The following LHFPL6 variants were observed in gnomAD, a reference collection of about 807,000 sequenced individuals.
LHFPL6 encodes the protein LHFPL tetraspan subfamily member 6, also known as LHFPL tetraspan subfamily member 6 protein.
LHFPL6 carries 9 observed loss-of-function variants against 20.6 expected under a neutral mutation model. The ratio of observed to expected loss-of-function variants is 0.44; its 90% CI spans 0.26 to 0.76. The LOEUF (loss-of-function observed/expected upper bound fraction) is 0.76. LHFPL6 is among the 30% of genes least tolerant of loss of function. The probability of loss-of-function intolerance (pLI) is 0.20; values close to 1 mark genes in which losing one functional copy is unlikely to be tolerated. For synonymous variants in LHFPL6, 105 were observed against 98.7 expected (o/e 1.06, Z -0.38); for missense variants, 218 against 253.5 (o/e 0.86, Z 0.95).
intron 3 of LHFPL6, among the ~76,000 whole-genome samples, chr13:39,367,907 C>G (rs1031072320): frequency 6.6e-6 from 1 of 152,148 alleles, no homozygotes; most frequent in African/African-American, 2.4e-5. Context: ...AGTTGCTAAC[C>G]CAAAGTAGCT....
At chr13:39,390,665 G>A (rs1870683901) in intron 2 of LHFPL6, among the ~76,000 whole-genome samples, 1 of 152,096 alleles carries the variant, frequency 6.6e-6, no homozygotes, top group African/African-American at 2.4e-5. Context: ...AACTGTACGT[G>A]TACTCCTAAA....
At chr13:39,443,793 T>C (rs1333042078) in intron 2 of LHFPL6, among the ~76,000 whole-genome samples, 2 of 151,820 alleles carry the variant, frequency 1.3e-5, no homozygotes, top group Non-Finnish European at 2.9e-5. Context: ...GTTCTTTCAG[T>C]ACCCATACAA....
At chr13:39,501,815 C>T (rs576338357) in intron 2 of LHFPL6, among the ~76,000 whole-genome samples, 5 of 152,178 alleles carry the variant, frequency 3.3e-5, no homozygotes, top group South Asian at 2.1e-4. Context: ...TGGCCCAGAG[C>T]GAACCAGGGC....
At chr13:39,438,724 G>C (rs900605298) in intron 2 of LHFPL6, among the ~76,000 whole-genome samples, 1 of 152,250 alleles carries the variant, frequency 6.6e-6, no homozygotes, top group African/African-American at 2.4e-5. Flanking sequence ...GTGGTTCAAA[G>C]GGGCCCAGGT....
intron 2 of LHFPL6, among the ~76,000 whole-genome samples, chr13:39,463,029 G>A (rs868098440): frequency 1.2e-4 from 19 of 152,280 alleles, no homozygotes; most frequent in Middle Eastern, 6.8e-3. Context: ...AGCATCCTGA[G>A]GGAACCGCAT....
intron 2 of LHFPL6, among the ~76,000 whole-genome samples, chr13:39,531,483 A>G (rs1280233036): frequency 6.6e-6 from 1 of 152,220 alleles, no homozygotes; most frequent in Non-Finnish European, 1.5e-5. Context: ...TGGGGGTCTC[A>G]TGAGATTCCA....
At chr13:39,510,616 G>A (rs1327860589) in intron 2 of LHFPL6, among the ~76,000 whole-genome samples, 1 of 152,086 alleles carries the variant, frequency 6.6e-6, no homozygotes, top group Non-Finnish European at 1.5e-5. Context: ...TGTCAATCAA[G>A]AGATCAGAAC....
rs113015541 is a variant in LHFPL6 at position 39,346,647 on chromosome 13, G to A, written c.485-2593C>T. ...GCCCGATCATCCCCCAGGCAGTCTC[G>A]TCTGCTGTCATTGCTTTCTTGTCTC... On this transcript the variant is annotated intron_variant, in intron 3 of 3. Transcript: ENST00000379589. 8.1e-3 allele frequency among the ~76,000 whole-genome samples: 1,234 copies of A among 152,120 alleles called. 19 individuals carry two copies. Among genetic ancestry groups the A allele is most frequent in the African/African-American group, 0.028 (1,166 of 41,494 alleles).
At chr13:39,564,126 T>TG (rs1871638333) in intron 2 of LHFPL6, among the ~76,000 whole-genome samples, 2 of 3,184 alleles carry the variant, frequency 6.3e-4, no homozygotes, top group African/African-American at 2.0e-3. Context: ...GAGCATTTTA[T>TG]TTTTGTTCAA....
chr13:39,426,698 G>C (rs148886697), intron 2 of LHFPL6, among the ~76,000 whole-genome samples: 1 of 152,072 alleles, frequency 6.6e-6, no homozygotes, highest in East Asian at 1.9e-4. Context: ...ATATTCTATT[G>C]TACGTACATA....
chr13:39,386,006 T>G (rs1242631996), intron 2 of LHFPL6, among the ~76,000 whole-genome samples: 1 of 152,182 alleles, frequency 6.6e-6, no homozygotes, highest in East Asian at 1.9e-4. Context: ...CACCAGTGTT[T>G]CCCATCAATT....
chr13:39,562,871 T>C (rs1425620913), intron 2 of LHFPL6, among the ~76,000 whole-genome samples: 1 of 152,042 alleles, frequency 6.6e-6, no homozygotes, highest in Non-Finnish European at 1.5e-5. Flanking sequence ...TTACACACTC[T>C]TCCTATTATC....
intron 2 of LHFPL6, among the ~76,000 whole-genome samples, chr13:39,541,162 T>C (rs1445574303): frequency 6.6e-6 from 1 of 152,196 alleles, no homozygotes; most frequent in South Asian, 2.1e-4. Flanking sequence ...AGCCCAGTAT[T>C]GCTCCTGAAA....
intron 2 of LHFPL6, among the ~76,000 whole-genome samples, chr13:39,465,113 G>A (rs1165486647): frequency 6.6e-6 from 1 of 152,132 alleles, no homozygotes; most frequent in Non-Finnish European, 1.5e-5. Flanking sequence ...AGAAAAAATT[G>A]AAGATTTGAT....
At chr13:39,416,487 A>G (rs1263490631) in intron 2 of LHFPL6, among the ~76,000 whole-genome samples, 5 of 152,216 alleles carry the variant, frequency 3.3e-5, no homozygotes, top group Non-Finnish European at 7.3e-5. Flanking sequence ...ATACAGTTTA[A>G]AGGACAAAAA....
At chr13:39,521,391 A>G (rs1870101184) in intron 2 of LHFPL6, among the ~76,000 whole-genome samples, 1 of 152,190 alleles carries the variant, frequency 6.6e-6, no homozygotes, top group Non-Finnish European at 1.5e-5. Flanking sequence ...CTGTTAACCT[A>G]TCATTTGCTG....
intron 2 of LHFPL6, among the ~76,000 whole-genome samples, chr13:39,474,045 C>T (rs1391034769): frequency 6.6e-6 from 1 of 152,154 alleles, no homozygotes. Flanking sequence ...GTCATTGATT[C>T]GAGGCCAATG....
intron 2 of LHFPL6, among the ~76,000 whole-genome samples, chr13:39,445,940 A>T (rs548389700): frequency 6.6e-6 from 1 of 152,272 alleles, no homozygotes; most frequent in African/African-American, 2.4e-5. Context: ...TTAGCATCAC[A>T]TTTGCATTTT....
intron 2 of LHFPL6, among the ~76,000 whole-genome samples, chr13:39,528,041 T>C (rs983157278): frequency 2.6e-5 from 4 of 152,230 alleles, no homozygotes; most frequent in African/African-American, 9.7e-5. Context: ...TAAATCAATA[T>C]AGAATCTCAT....
Sources: allele counts gnomAD v4.1 joint callset (sites outside exome capture counted in the v4.1 genomes callset), GRCh38; gene constraint gnomAD v4.1.1; transcripts MANE v1.5; gene names NCBI Gene and HGNC (gene_info 2026-07-23, HGNC 2026-07-21).